Variants in ADAM23 observed in about 807,000 individuals in gnomAD.
ADAM23 encodes the protein ADAM metallopeptidase domain 23.
ADAM23 carries 33 observed loss-of-function variants against 120.1 expected under a neutral mutation model. The observed-to-expected ratio is 0.27, with a 90% CI of 0.21 to 0.37. ADAM23 has a LOEUF of 0.37. Among genes scored for constraint, ADAM23 ranks in the 10% least tolerant of loss-of-function variants. ADAM23 has a pLI of 1.00. For missense variants in ADAM23, 862 were observed against 1,058.2 expected (o/e 0.81, Z 2.57); for synonymous variants, 367 against 375.2 (o/e 0.98, Z 0.25).
At chr2:206,446,249 C>A (rs781137698) in intron 2 of ADAM23, among the ~76,000 whole-genome samples, 3 of 152,114 alleles carry the variant, frequency 2.0e-5, no homozygotes, top group Non-Finnish European at 4.4e-5. Flanking sequence ...TGTTTAATAT[C>A]CAAAGAGTTT....
At chr2:206,595,280 T>C (rs1322622793) in intron 23 of ADAM23, among the ~76,000 whole-genome samples, 1 of 152,224 alleles carries the variant, frequency 6.6e-6, no homozygotes. Flanking sequence ...GATTTTATCA[T>C]CTCTGAATGT....
rs1329398339 is a variant in ADAM23 at position 206,443,952 on chromosome 2, C to G, written c.86C>G (p.Pro29Arg). 6 of 1,274,478 alleles carry G rather than the reference C, an allele frequency of 4.7e-6. No individual in the cohort carries two copies. The highest frequency in any genetic ancestry group is 5.9e-6 in the Non-Finnish European group (6 of 1,014,478). The allele number at this position is 1,274,478 out of a possible 1,614,324, so 78.9% of individuals were successfully genotyped here. Residue 29 changes from proline (P) to arginine (R), a missense_variant, in exon 1 of 26, where the codon CCC (proline) becomes CGC (arginine). Pro to Arg is a moderately radical substitution (Grantham distance 103). Coordinates refer to ENST00000264377, the MANE Select transcript of ADAM23 (RefSeq NM_003812.4). ...AGASCGPQRG[P>R]AGSVPASAPA... Reference sequence around the variant, plus strand: ...GCTTCCTGCGGCCCCCAACGCGGCCCCGCCGGCTCGGTGCCTGCCAGCGCC... The same window carrying G: ...GCTTCCTGCGGCCCCCAACGCGGCCGCGCCGGCTCGGTGCCTGCCAGCGCC...
At chr2:206,547,593 G>T in intron 7 of ADAM23, 92 bp downstream of exon 7, 1 of 1,081,616 alleles carries the variant, frequency 9.2e-7, no homozygotes. Flanking sequence ...GTTGGAAGTG[G>T]AATTGGTCTG....
chr2:206,476,798 A>G (rs1695784976), intron 2 of ADAM23, among the ~76,000 whole-genome samples: 1 of 152,110 alleles, frequency 6.6e-6, no homozygotes, highest in Admixed American at 6.6e-5. Flanking sequence ...AAATTTTACA[A>G]TTTAGTAGAA....
At chr2:206,499,397 A>G (rs1345658121) in intron 3 of ADAM23, among the ~76,000 whole-genome samples, 3 of 150,420 alleles carry the variant, frequency 2.0e-5, no homozygotes, top group African/African-American at 7.3e-5. Context: ...GCAAGGACAA[A>G]AAACCAAACA....
chr2:206,552,787 G>A (rs561562975), intron 9 of ADAM23, among the ~76,000 whole-genome samples: 35 of 151,974 alleles, frequency 2.3e-4, no homozygotes, highest in African/African-American at 8.0e-4. Flanking sequence ...TCAGCCTCCC[G>A]AGTAGCTGGG....
chr2:206,496,882 A>G (rs1268556519), intron 3 of ADAM23, among the ~76,000 whole-genome samples: 42 of 150,778 alleles, frequency 2.8e-4, no homozygotes, highest in South Asian at 1.3e-3. Context: ...ACCTCTACGC[A>G]AATAAACTAG....
chr2:206,508,115 C>T (rs1460908359), intron 3 of ADAM23, among the ~76,000 whole-genome samples: 1 of 152,134 alleles, frequency 6.6e-6, no homozygotes, highest in Non-Finnish European at 1.5e-5. Context: ...CTGCAAGCCC[C>T]ACCTCCCAGG....
chr2:206,613,561 C>T (rs1698877020), intron 25 of ADAM23, among the ~76,000 whole-genome samples: 1 of 152,156 alleles, frequency 6.6e-6, no homozygotes, highest in South Asian at 2.1e-4. Flanking sequence ...CCCCATCACC[C>T]ACACACAAGA....
rs1695812983 is a variant in ADAM23, at chr2:206,477,900, A to T, written c.433-3332A>T. ...TCTGTTAAAAAAAAAAAAAAAAAAT[A>T]TATATATATATATATATATATAAAA... On this transcript the variant is annotated intron_variant, in intron 2 of 25. Transcript: ENST00000264377. Among the ~76,000 whole-genome samples the T allele has an allele frequency of 1.8e-5, 2 of 113,778 alleles. 1 individual carries two copies. Among genetic ancestry groups the T allele is most frequent in the Non-Finnish European group, 3.7e-5 (2 of 54,300 alleles). The allele number at this position is 113,778 out of a possible 152,430, so 74.6% of individuals were successfully genotyped here. A position where few individuals can be genotyped will look rare whatever the true frequency, so the allele number is the denominator to read the frequency against.
chr2:206,599,665 A>G lies in ADAM23; in HGVS notation c.2359+3503A>G, dbSNP rs532167199. Among the ~76,000 whole-genome samples, 14 of 152,358 alleles carry G rather than the reference A, an allele frequency of 9.2e-5. No homozygotes were observed. In the East Asian group the frequency reaches 2.1e-3, roughly 23 times the overall value. Reference sequence around the variant, plus strand: ...GTTAGCAAATATTTATTGACTGTCTACTATTTAAAAGATAGCGTATGCTTG... The same window carrying G: ...GTTAGCAAATATTTATTGACTGTCTGCTATTTAAAAGATAGCGTATGCTTG... On this transcript the variant is annotated intron_variant, in intron 24 of 25. Transcript: ENST00000264377.
intron 24 of ADAM23, among the ~76,000 whole-genome samples, chr2:206,601,513 C>T (rs1698639603): frequency 6.6e-6 from 1 of 152,180 alleles, no homozygotes; most frequent in African/African-American, 2.4e-5. Context: ...TGGCTCACGC[C>T]TGTGATCCCA....
intron 3 of ADAM23, among the ~76,000 whole-genome samples, chr2:206,522,739 A>G (rs1369286979): frequency 6.6e-6 from 1 of 152,162 alleles, no homozygotes; most frequent in African/African-American, 2.4e-5. Flanking sequence ...ATAGCATTTC[A>G]GTGATGTGTA....
chr2:206,585,551 T>C (rs955011764), intron 18 of ADAM23, among the ~76,000 whole-genome samples: 3 of 152,216 alleles, frequency 2.0e-5, no homozygotes, highest in African/African-American at 7.2e-5. Flanking sequence ...TCTGTTATCT[T>C]TCTGTGGTGA....
intron 3 of ADAM23, among the ~76,000 whole-genome samples, chr2:206,482,706 G>A (rs1364405391): frequency 6.6e-6 from 1 of 152,146 alleles, no homozygotes; most frequent in Non-Finnish European, 1.5e-5. Context: ...AGTCTACTTG[G>A]GGGAAGGTTG....
chr2:206,527,423 T>A (rs973854622), intron 3 of ADAM23, among the ~76,000 whole-genome samples: 19 of 152,312 alleles, frequency 1.2e-4, no homozygotes, highest in African/African-American at 4.6e-4. Flanking sequence ...ACTATTCCCT[T>A]CTCCCTTTTT....
intron 18 of ADAM23, among the ~76,000 whole-genome samples, chr2:206,577,266 TC>T (rs1415613041): frequency 1.3e-5 from 2 of 151,984 alleles, no homozygotes; most frequent in African/African-American, 2.4e-5. Flanking sequence ...TTTTTTTTTT[TC>T]TTTTATTATT....
Position 206,608,665 on chromosome 2 carries a change from C to A in ADAM23, c.2360-1245C>A, listed in dbSNP as rs553914784. Among the ~76,000 whole-genome samples, 134 of 152,038 alleles carry A rather than the reference C, an allele frequency of 8.8e-4. 1 individual carries two copies. The highest frequency in any genetic ancestry group is 1.5e-3 in the Non-Finnish European group (105 of 67,994). On this transcript the variant is annotated intron_variant, in intron 24 of 25. Coordinates refer to ENST00000264377, the MANE Select transcript of ADAM23 (RefSeq NM_003812.4). ...TAAGAGCATGTCACAAGCCCAGGAG[C>A]CTAAAGAGACCTGCACCCCGAGACT...
chr2:206,464,581 A>T lies in ADAM23; in HGVS notation c.433-16651A>T, dbSNP rs569773210. On this transcript the variant is annotated intron_variant, in intron 2 of 25. Transcript: ENST00000264377. ...CAGAGTGAGACTGTCTCAAAAAAAA[A>T]AATAATAATAATAATAAAAAGAAAC... Among the ~76,000 whole-genome samples, 270 of 152,026 alleles carry T rather than the reference A, an allele frequency of 1.8e-3. 6 individuals carry two copies. In the South Asian group the frequency reaches 0.034, roughly 19 times the overall value.
Sources: allele counts gnomAD v4.1 joint callset (sites outside exome capture counted in the v4.1 genomes callset), GRCh38; gene constraint gnomAD v4.1.1; transcripts MANE v1.5; gene names NCBI Gene and HGNC (gene_info 2026-07-23, HGNC 2026-07-21).